SPPL3: variants seen among roughly 807,000 people sequenced by gnomAD.
SPPL3 encodes signal peptide peptidase-like 3.
In SPPL3, 5 loss-of-function variants were observed where a neutral mutation model predicts 42.4. That is an observed-to-expected ratio of 0.12 (90% confidence interval 0.06 to 0.25). The LOEUF is 0.25. SPPL3 is among the 10% of genes least tolerant of loss of function. The pLI is 1.00. For synonymous variants in SPPL3, 195 were observed against 181.8 expected, an observed-to-expected ratio of 1.07 and a Z score of -0.58; for missense variants, 235 against 489.0, an observed-to-expected ratio of 0.48 and a Z score of 4.90.
intron 6 of SPPL3, 85 bp downstream of exon 6, chr12:120,782,570 T>A: frequency 1.9e-6 from 2 of 1,070,758 alleles, no homozygotes; most frequent in South Asian, 2.9e-5. Context: ...ATTGTAGTGA[T>A]GGTTGTACAG....
At chr12:120,816,672 CT>C (rs1268502365) in intron 1 of SPPL3, among the ~76,000 whole-genome samples, 6 of 152,090 alleles carry the variant, frequency 3.9e-5, no homozygotes, top group Non-Finnish European at 7.4e-5. Flanking sequence ...CCACCACAGC[CT>C]GCTAATTTTT....
At chr12:120,796,002 CTGTTA>C (rs1266959631) in intron 2 of SPPL3, among the ~76,000 whole-genome samples, 1 of 152,170 alleles carries the variant, frequency 6.6e-6, no homozygotes, top group Non-Finnish European at 1.5e-5. Context: ...TTTCTAATTG[CTGTTA>C]ATCCCATCCA....
At chr12:120,900,948 C>G (rs944669664) in intron 1 of SPPL3, among the ~76,000 whole-genome samples, 7 of 144,700 alleles carry the variant, frequency 4.8e-5, no homozygotes, top group Non-Finnish European at 1.1e-4. Flanking sequence ...AAAAAGTAAT[C>G]AACTCTTGAT....
chr12:120,802,039 C>T (rs961046661), intron 2 of SPPL3, among the ~76,000 whole-genome samples: 4 of 152,044 alleles, frequency 2.6e-5, no homozygotes, highest in Non-Finnish European at 5.9e-5. Context: ...GTTATATTTG[C>T]CCTAAATTTG....
chr12:120,823,807 G>A (rs1358040431), intron 1 of SPPL3, among the ~76,000 whole-genome samples: 1 of 152,076 alleles, frequency 6.6e-6, no homozygotes, highest in Non-Finnish European at 1.5e-5. Context: ...GAAACATAGT[G>A]GGGTGAATTA....
intron 1 of SPPL3, among the ~76,000 whole-genome samples, chr12:120,843,430 A>T (rs1174973271): frequency 6.6e-6 from 1 of 152,074 alleles, no homozygotes; most frequent in Non-Finnish European, 1.5e-5. Flanking sequence ...TCCTGCTGTT[A>T]TTCAACTTAA....
intron 6 of SPPL3, among the ~76,000 whole-genome samples, chr12:120,780,659 G>A (rs1327185942): frequency 1.3e-5 from 2 of 151,388 alleles, no homozygotes; most frequent in Non-Finnish European, 1.5e-5. Context: ...AGGCTGAGGC[G>A]GGTGGATCAC....
intron 1 of SPPL3, among the ~76,000 whole-genome samples, chr12:120,853,984 AC>A (rs1872356989): frequency 6.2e-4 from 1 of 1,612 alleles, no homozygotes; most frequent in East Asian, 0.02. Context: ...ACGCACACAT[AC>A]ACACACACAC....
intron 1 of SPPL3, among the ~76,000 whole-genome samples, chr12:120,826,251 C>G (rs1346225818): frequency 1.4e-5 from 2 of 146,580 alleles, no homozygotes; most frequent in African/African-American, 2.5e-5. Flanking sequence ...TGAGATTGCA[C>G]CATTGCACTC....
At chr12:120,874,838 G>GT (rs1229086033) in intron 1 of SPPL3, among the ~76,000 whole-genome samples, 1 of 152,140 alleles carries the variant, frequency 6.6e-6, no homozygotes, top group Non-Finnish European at 1.5e-5. Flanking sequence ...ACAAACCTCC[G>GT]TAACTGCCTC....
chr12:120,868,148 C>T (rs980346154), intron 1 of SPPL3, among the ~76,000 whole-genome samples: 1 of 151,978 alleles, frequency 6.6e-6, no homozygotes, highest in Admixed American at 6.6e-5. Context: ...CCCAGCCATT[C>T]AGGAGGATGA....
intron 1 of SPPL3, among the ~76,000 whole-genome samples, chr12:120,860,257 T>G (rs1389899177): frequency 6.6e-6 from 1 of 152,142 alleles, no homozygotes; most frequent in Admixed American, 6.5e-5. Flanking sequence ...ATAAAGATTA[T>G]ATCACATTAT....
intron 3 of SPPL3, among the ~76,000 whole-genome samples, chr12:120,787,575 T>C (rs1869764657): frequency 6.6e-6 from 1 of 152,064 alleles, no homozygotes; most frequent in Non-Finnish European, 1.5e-5. Flanking sequence ...AGCACAAAAA[T>C]GAATTATTAC....
rs1871014696 is a variant in SPPL3 at position 120,820,249 on chromosome 12, C to T, written c.24-9363G>A. 2.7e-5 allele frequency among the ~76,000 whole-genome samples: 4 copies of T among 149,526 alleles called. No individual in the cohort carries two copies. The South Asian group carries it at 8.4e-4, about 31-fold the overall frequency. Reference sequence around the variant, plus strand: ...TGTATTCCATGCTTACAGAAATGTTCATTTTTCCCTTTATGGAAATATGTT... The same window carrying T: ...TGTATTCCATGCTTACAGAAATGTTTATTTTTCCCTTTATGGAAATATGTT... On this transcript the variant is annotated intron_variant, in intron 1 of 10. Coordinates refer to ENST00000353487, the MANE Select transcript of SPPL3 (RefSeq NM_139015.5).
At chr12:120,879,567 G>C (rs1873217399) in intron 1 of SPPL3, among the ~76,000 whole-genome samples, 1 of 152,006 alleles carries the variant, frequency 6.6e-6, no homozygotes, top group South Asian at 2.1e-4. Flanking sequence ...ACTTCTCATA[G>C]CTCATAATAT....
intron 2 of SPPL3, among the ~76,000 whole-genome samples, chr12:120,795,317 T>A (rs1870061895): frequency 6.6e-6 from 1 of 152,222 alleles, no homozygotes; most frequent in Admixed American, 6.5e-5. Context: ...TTTCTGGTGA[T>A]CTTAACTCCC....
intron 1 of SPPL3, among the ~76,000 whole-genome samples, chr12:120,884,095 A>G (rs1873373462): frequency 1.5e-5 from 1 of 66,780 alleles, no homozygotes; most frequent in African/African-American, 5.6e-5. Context: ...CAGCGAAACT[A>G]TGTCTCAAAA....
intron 1 of SPPL3, among the ~76,000 whole-genome samples, chr12:120,820,963 A>G (rs1348165103): frequency 1.3e-5 from 2 of 152,152 alleles, no homozygotes; most frequent in African/African-American, 4.8e-5. Context: ...GCATTATCAC[A>G]AAATATTTCA....
chr12:120,820,306 A>ATTTTTTTTTTT (rs11374486), intron 1 of SPPL3, among the ~76,000 whole-genome samples: 8 of 100,998 alleles, frequency 7.9e-5, no homozygotes, highest in African/African-American at 1.2e-4. Context: ...CTTTCTCTAA[A>ATTTTTTTTTTT]TTTTTTTTTT....
Sources: allele counts gnomAD v4.1 joint callset (sites outside exome capture counted in the v4.1 genomes callset), GRCh38; gene constraint gnomAD v4.1.1; transcripts MANE v1.5; gene names NCBI Gene and HGNC (gene_info 2026-07-23, HGNC 2026-07-21).